Variants in BAZ1A observed in about 807,000 individuals in gnomAD.
BAZ1A encodes bromodomain adjacent to zinc finger domain 1A.
BAZ1A carries 50 observed loss-of-function variants against 185.2 expected under a neutral mutation model. The ratio of observed to expected loss-of-function variants is 0.27; its 90% CI spans 0.22 to 0.34. The LOEUF (loss-of-function observed/expected upper bound fraction) is 0.34. Ranked by LOEUF, BAZ1A falls within the 10% of genes least tolerant of loss-of-function variation. The pLI, the probability that BAZ1A is intolerant of heterozygous loss-of-function variation, is 1.00. For synonymous variants in BAZ1A, 571 were observed against 615.6 expected (o/e 0.93, Z 1.07); for missense variants, 1,356 against 1,839.9 (o/e 0.74, Z 4.81).
At chr14:34,785,707 C>T (rs1594837164) in intron 14 of BAZ1A, 70 bp downstream of exon 14, 8 of 1,331,986 alleles carry the variant, frequency 6.0e-6, no homozygotes. Flanking sequence ...TTCTCATCAG[C>T]TCCTTAGTTT....
At position 34,776,522 on chromosome 14, in the gene BAZ1A, T is replaced by C. The variant is rs1017878845; in HGVS notation, c.2237-7A>G. ...CCATTTTGTCCTCTTTTCCCTGTAA[T>C]TAAAATAAAATGTTTCATCATCATC... is the stretch of plus-strand genomic sequence containing the variant. On this transcript the variant is annotated splice_region_variant and splice_polypyrimidine_tract_variant and intron_variant, in intron 17 of 26. Transcript: ENST00000360310. 6 of 1,557,992 alleles carry C rather than the reference T, an allele frequency of 3.9e-6. No homozygotes were observed. The African/African-American group carries it at 5.5e-5, about 14-fold the overall frequency.
In BAZ1A at chr14:34,874,859, CG is replaced by C. The variant is rs2043018247; in HGVS notation, c.-58-198del. On this transcript the variant is annotated intron_variant, in intron 1 of 26. Coordinates refer to ENST00000360310, the MANE Select transcript of BAZ1A (RefSeq NM_013448.3). The surrounding 1 kb of genome is among the most constrained non-coding windows in gnomAD (Gnocchi z 4.7). The stretch of plus-strand genomic sequence containing the variant: ...GCCGCCGCCGCCCCTGCCCCCCGAG[CG>C]CGCCCTACCTCCTCTCGTCCTGCCG... 5.1e-6 allele frequency: 2 copies of C among 391,756 alleles called. No individual in the cohort carries two copies. Among genetic ancestry groups the C allele is most frequent in the Admixed American group, 9.8e-5 (2 of 20,382 alleles). 24.3% of individuals were successfully genotyped at this position (391,756 alleles called of 1,614,324 possible).
rs756109196 is a variant in BAZ1A, at chr14:34,762,051, T to G, written c.3949A>C (p.Lys1317Gln). 2 of 1,614,200 alleles carry G rather than the reference T, an allele frequency of 1.2e-6. No individual in the cohort carries two copies. Among genetic ancestry groups the G allele is most frequent in the South Asian group, 2.2e-5 (2 of 91,078 alleles). ...TCTGTAGGAGGAGCAGAGTTTATCTTTCTTAGGCTTCTACCAGTTTTAGAA... is the reference window on the plus strand; with the variant it reads ...TCTGTAGGAGGAGCAGAGTTTATCTGTCTTAGGCTTCTACCAGTTTTAGAA... ...VSSKTGRSLRKINSAPPTETK... is the reference protein window; with the variant it reads ...VSSKTGRSLRQINSAPPTETK... The change falls in exon 24 of 27, where the codon AAG becomes CAG. Residue 1317 changes from lysine (K) to glutamine (Q), a missense_variant. This residue lies in a region of BAZ1A where 309 missense variants were observed against 355.3 expected (regional missense o/e 0.87). Coordinates refer to ENST00000360310, the MANE Select transcript of BAZ1A (RefSeq NM_013448.3).
At chr14:34,756,535 G>A (rs1424899106) in intron 25 of BAZ1A, among the ~76,000 whole-genome samples, 2 of 126,842 alleles carry the variant, frequency 1.6e-5, no homozygotes, top group East Asian at 2.5e-4. Context: ...GCGTGATCTC[G>A]ACTCACTACA....
intron 24 of BAZ1A, among the ~76,000 whole-genome samples, chr14:34,760,770 T>C (rs937421739): frequency 3.9e-5 from 6 of 152,088 alleles, no homozygotes; most frequent in African/African-American, 1.4e-4. Context: ...GAGGATTGCT[T>C]GAGCCCGGGA....
intron 14 of BAZ1A, 111 bp downstream of exon 14, chr14:34,785,666 T>C: frequency 1.2e-6 from 1 of 825,792 alleles, no homozygotes; most frequent in South Asian, 1.8e-5. Flanking sequence ...GCTTTCTCTT[T>C]TTCTCTTTTA....
At chr14:34,827,596 G>T (rs539865957) in intron 3 of BAZ1A, among the ~76,000 whole-genome samples, 1 of 151,982 alleles carries the variant, frequency 6.6e-6, no homozygotes, top group Admixed American at 6.6e-5. Context: ...TTAGCCAGGC[G>T]TGGTGGCGGG....
Position 34,753,250 on chromosome 14 carries a change from C to A in BAZ1A, c.*258G>T. ...CAAGATCTCTGGACACATGAATGAT[C>A]TCAAAAATGTACAAAAACCTCTGTA... On this transcript the variant is annotated 3_prime_UTR_variant, in exon 27 of 27. Coordinates refer to ENST00000360310, the MANE Select transcript of BAZ1A (RefSeq NM_013448.3). The A allele has an allele frequency of 2.6e-6, 1 of 388,910 alleles. No individual in the cohort carries two copies. The allele number at this position is 388,910 out of a possible 1,614,324, so 24.1% of individuals were successfully genotyped here. A position where few individuals can be genotyped will look rare whatever the true frequency, so the allele number is the denominator to read the frequency against.
At position 34,781,740 on chromosome 14, in the gene BAZ1A, G is replaced by A. The variant is rs547293686; in HGVS notation, c.2111+1379C>T. On this transcript the variant is annotated intron_variant, in intron 16 of 26. Coordinates refer to ENST00000360310, the MANE Select transcript of BAZ1A (RefSeq NM_013448.3). ...TCAAACTCCTGACCTCAGGTGATCC[G>A]GCCGCCTCAGCCTCCCAGAGTGCTG... Among the ~76,000 whole-genome samples, 7 of 152,208 alleles carry A rather than the reference G, an allele frequency of 4.6e-5. No individual in the cohort carries two copies. The East Asian group carries it at 5.8e-4, about 13-fold the overall frequency.
intron 4 of BAZ1A, chr14:34,816,916 A>C (rs1407890983): frequency 2.9e-6 from 1 of 342,096 alleles, no homozygotes; most frequent in African/African-American, 2.2e-5. Flanking sequence ...TTTACATATA[A>C]ATTTTCTTTA....
At chr14:34,875,080 G>C (rs2043025891) in intron 1 of BAZ1A, 58 bp downstream of exon 1, 1 of 359,496 alleles carries the variant, frequency 2.8e-6, no homozygotes, top group African/African-American at 2.1e-5. Flanking sequence ...GCTCCGCTTT[G>C]TTCCCGGCTC....
chr14:34,872,913 TAA>T (rs35955993), intron 2 of BAZ1A, among the ~76,000 whole-genome samples: 988 of 76,106 alleles, frequency 0.013, 21 homozygotes, highest in East Asian at 0.094. Flanking sequence ...TTTAAAATCC[TAA>T]AAAAAAAAAA....
At chr14:34,873,064 A>C (rs2042978635) in intron 2 of BAZ1A, among the ~76,000 whole-genome samples, 1 of 152,194 alleles carries the variant, frequency 6.6e-6, no homozygotes, top group African/African-American at 2.4e-5. Flanking sequence ...CTGTCTGACG[A>C]AAAGTACTCT....
intron 6 of BAZ1A, among the ~76,000 whole-genome samples, chr14:34,804,551 A>C (rs887613105): frequency 2.0e-5 from 3 of 152,092 alleles, no homozygotes; most frequent in African/African-American, 7.2e-5. Flanking sequence ...GAATTCCACC[A>C]GTTCTGGCCA....
intron 4 of BAZ1A, chr14:34,816,904 T>C: frequency 2.6e-6 from 1 of 382,094 alleles, no homozygotes; most frequent in South Asian, 1.9e-5. Context: ...ATAGTAAGGA[T>C]ATTTACATAT....
chr14:34,854,620 CACAT>C (rs904408131), intron 3 of BAZ1A, among the ~76,000 whole-genome samples: 3 of 152,118 alleles, frequency 2.0e-5, no homozygotes, highest in Non-Finnish European at 4.4e-5. Flanking sequence ...ATACAATACA[CACAT>C]ACATACATAT....
At chr14:34,807,833 C>T (rs1210975) in intron 5 of BAZ1A, among the ~76,000 whole-genome samples, 39,393 of 152,094 alleles carry the variant, frequency 0.26, 5,886 homozygotes, top group Middle Eastern at 0.35. Flanking sequence ...GAGCCGGGCG[C>T]AGTGGCTCAC....
intron 9 of BAZ1A, among the ~76,000 whole-genome samples, chr14:34,797,098 C>T (rs1434125559): frequency 6.6e-6 from 1 of 152,060 alleles, no homozygotes; most frequent in Non-Finnish European, 1.5e-5. Flanking sequence ...TTAGCTATGA[C>T]TATTTAATGA....
intron 23 of BAZ1A, among the ~76,000 whole-genome samples, chr14:34,764,118 A>T (rs1878635825): frequency 6.6e-6 from 1 of 152,096 alleles, no homozygotes; most frequent in Non-Finnish European, 1.5e-5. Flanking sequence ...GTAGTATAGA[A>T]GCTGTTTCCA....
Sources: gnomAD v4.1 joint callset for allele counts (sites outside exome capture counted in the v4.1 genomes callset) on GRCh38, gnomAD v4.1.1 for gene constraint, gnomAD v4.1.1 regional missense constraint, Gnocchi (gnomAD v3.1) non-coding constraint, MANE v1.5 for transcripts, NCBI Gene and HGNC (gene_info 2026-07-23, HGNC 2026-07-21) for gene names.